PRKAA2: variants seen among roughly 807,000 people sequenced by gnomAD.
The protein encoded by PRKAA2 is 5'-AMP-activated protein kinase catalytic subunit alpha-2.
In PRKAA2, 40 loss-of-function variants were observed where a neutral mutation model predicts 56.3. The ratio of observed to expected loss-of-function variants is 0.71; its 90% confidence interval spans 0.55 to 0.92. PRKAA2 has a LOEUF of 0.92. Among genes scored for constraint, PRKAA2 ranks in the 40% least tolerant of loss-of-function variants. PRKAA2 has a pLI of 0.00. For synonymous variants in PRKAA2, 214 were observed against 234.2 expected (o/e 0.91, Z 0.79); for missense variants, 542 against 686.9 (o/e 0.79, Z 2.36).
intron 1 of PRKAA2, among the ~76,000 whole-genome samples, chr1:56,674,153 C>T (rs1196078874): frequency 6.6e-6 from 1 of 152,116 alleles, no homozygotes; most frequent in Admixed American, 6.5e-5. Context: ...ATAGGAACGT[C>T]TCTGTTAGGT....
intron 1 of PRKAA2, among the ~76,000 whole-genome samples, chr1:56,650,755 G>A (rs968602963): frequency 3.3e-5 from 5 of 151,944 alleles, no homozygotes; most frequent in African/African-American, 7.3e-5. Context: ...CTTTCTTGTC[G>A]GCAAAGTCTC....
At chr1:56,655,281 T>TATATATATATATATATATA (rs1553146924) in intron 1 of PRKAA2, among the ~76,000 whole-genome samples, 10 of 77,082 alleles carry the variant, frequency 1.3e-4, no homozygotes, top group African/African-American at 4.9e-4. Context: ...TATATATATA[T>TATATATATATATATATATA]TTTTTTTTTT....
intron 6 of PRKAA2, among the ~76,000 whole-genome samples, chr1:56,702,675 G>T (rs1644304728): frequency 6.6e-6 from 1 of 152,060 alleles, no homozygotes; most frequent in South Asian, 2.1e-4. Context: ...TGTTTCTTTT[G>T]CTGGGAATAT....
chr1:56,706,946 C>T (rs148646642), intron 8 of PRKAA2, among the ~76,000 whole-genome samples: 13 of 152,194 alleles, frequency 8.5e-5, no homozygotes, highest in South Asian at 2.1e-4. Context: ...CCTGTTTCAT[C>T]GAAATTACAT....
chr1:56,664,119 C>A (rs1035656079), intron 1 of PRKAA2, among the ~76,000 whole-genome samples: 1 of 152,076 alleles, frequency 6.6e-6, no homozygotes. Context: ...AAAAACTCTT[C>A]TTGTCCCTTC....
chr1:56,649,309 A>T (rs559007791), intron 1 of PRKAA2, among the ~76,000 whole-genome samples: 1 of 152,248 alleles, frequency 6.6e-6, no homozygotes, highest in African/African-American at 2.4e-5. Flanking sequence ...TGTTGAATGC[A>T]GGTGCATTTT....
intron 2 of PRKAA2, among the ~76,000 whole-genome samples, chr1:56,676,551 G>A (rs966131724): frequency 4.6e-5 from 7 of 152,170 alleles, no homozygotes; most frequent in African/African-American, 1.7e-4. Context: ...CATATGTCAA[G>A]CTTTTAAGAT....
intron 2 of PRKAA2, among the ~76,000 whole-genome samples, chr1:56,689,582 G>A (rs1355844057): frequency 2.0e-5 from 3 of 152,022 alleles, no homozygotes; most frequent in African/African-American, 4.8e-5. Flanking sequence ...AGCCGGGCAT[G>A]GTGGTGCATG....
At chr1:56,650,490 C>G (rs1027028095) in intron 1 of PRKAA2, among the ~76,000 whole-genome samples, 12 of 152,206 alleles carry the variant, frequency 7.9e-5, no homozygotes, top group Admixed American at 2.6e-4. Flanking sequence ...TCTAACTTCT[C>G]TAAAGGTGAT....
chr1:56,685,758 C>A (rs1433956082), intron 2 of PRKAA2, among the ~76,000 whole-genome samples: 1 of 152,090 alleles, frequency 6.6e-6, no homozygotes, highest in African/African-American at 2.4e-5. Context: ...CTTTAACAAA[C>A]TAACTGGTTT....
chr1:56,659,427 G>A (rs904317924), intron 1 of PRKAA2, among the ~76,000 whole-genome samples: 2 of 150,320 alleles, frequency 1.3e-5, no homozygotes, highest in African/African-American at 4.9e-5. Flanking sequence ...AATCTGGGAA[G>A]CAGAGGTTTC....
At chr1:56,706,339 A>G in intron 8 of PRKAA2, 121 bp downstream of exon 8, 1 of 1,085,948 alleles carries the variant, frequency 9.2e-7, no homozygotes, top group South Asian at 2.0e-5. Flanking sequence ...TAAGCAATCT[A>G]GACTTAACCA....
chr1:56,658,739 C>CT (rs944098997), intron 1 of PRKAA2, among the ~76,000 whole-genome samples: 35 of 149,470 alleles, frequency 2.3e-4, no homozygotes, highest in Non-Finnish European at 3.4e-4. Context: ...CTCCTGCCTT[C>CT]TTTTTTTTTT....
At position 56,708,042 on chromosome 1, in the gene PRKAA2, G is replaced by T; in HGVS notation, c.*329G>T. 2 of 285,960 alleles carry T rather than the reference G, an allele frequency of 7.0e-6. No homozygotes were observed. Among genetic ancestry groups the T allele is most frequent in the Non-Finnish European group, 1.3e-5 (2 of 152,048 alleles). 17.7% of individuals were successfully genotyped at this position (285,960 alleles called of 1,614,324 possible). ...GGCGAACCATCTCAATGTAAGGGTG[G>T]TTTGGCAACACCTCCTTGCTTTGCT... On this transcript the variant is annotated 3_prime_UTR_variant, in exon 9 of 9. Transcript: ENST00000371244.
chr1:56,645,626 G>A, intron 1 of PRKAA2, 145 bp downstream of exon 1: 1 of 587,660 alleles, frequency 1.7e-6, no homozygotes, highest in Non-Finnish European at 2.4e-6. Context: ...GGGGCCCCGG[G>A]AGGGTGGCGC....
chr1:56,651,846 C>CTT (rs111704022), intron 1 of PRKAA2, among the ~76,000 whole-genome samples: 1 of 142,568 alleles, frequency 7.0e-6, no homozygotes, highest in Admixed American at 7.1e-5. Flanking sequence ...TGAAAGTAAT[C>CTT]TTTTTTTTTT....
At chr1:56,669,537 C>T (rs1003864203) in intron 1 of PRKAA2, among the ~76,000 whole-genome samples, 5 of 152,102 alleles carry the variant, frequency 3.3e-5, no homozygotes, top group African/African-American at 1.2e-4. Flanking sequence ...TGGTCACTCA[C>T]CTACTAGTTG....
In PRKAA2 at chr1:56,707,818, C is replaced by G; in HGVS notation, c.*105C>G. The G allele has an allele frequency of 9.5e-7, 1 of 1,057,858 alleles. No homozygotes were observed. Among genetic ancestry groups the G allele is most frequent in the Non-Finnish European group, 1.4e-6 (1 of 724,224 alleles). The allele number at this position is 1,057,858 out of a possible 1,614,324, so 65.5% of individuals were successfully genotyped here. A position where few individuals can be genotyped will look rare whatever the true frequency, so the allele number is the denominator to read the frequency against. ...ATCCACTGCAATACTAATTGAGAAACATGAATTATTTCCAGGGGCACACAA... is the reference window on the plus strand; with the variant it reads ...ATCCACTGCAATACTAATTGAGAAAGATGAATTATTTCCAGGGGCACACAA... On this transcript the variant is annotated 3_prime_UTR_variant, in exon 9 of 9. Coordinates refer to ENST00000371244, the MANE Select transcript of PRKAA2 (RefSeq NM_006252.4).
At chr1:56,689,897 GACACACACACACACACACACACACAC>G (rs3034077) in intron 2 of PRKAA2, among the ~76,000 whole-genome samples, 2 of 147,046 alleles carry the variant, frequency 1.4e-5, no homozygotes, top group Non-Finnish European at 1.5e-5. Flanking sequence ...CAGACACACA[GACACACACACACACACACACACACAC>G]ACACACACAC....
Sources: gnomAD v4.1 joint callset for allele counts (sites outside exome capture counted in the v4.1 genomes callset) on GRCh38, gnomAD v4.1.1 for gene constraint, MANE v1.5 for transcripts, NCBI Gene and HGNC (gene_info 2026-07-23, HGNC 2026-07-21) for gene names.